CNTN5: variants seen among roughly 807,000 people sequenced by gnomAD.
CNTN5 encodes contactin-5.
CNTN5 carries 77 observed loss-of-function variants against 129.1 expected under a neutral mutation model. The observed-to-expected ratio is 0.60, with a 90% CI of 0.50 to 0.72. The LOEUF (loss-of-function observed/expected upper bound fraction) is 0.72, where lower values mean the gene tolerates loss of function less well. Among genes scored for constraint, CNTN5 ranks in the 30% least tolerant of loss-of-function variants. CNTN5 has a pLI of 0.00. For missense variants in CNTN5, 1,478 were observed against 1,328.8 expected (o/e 1.11, Z -1.75); for synonymous variants, 509 against 465.6 (o/e 1.09, Z -1.20).
chr11:99,878,975 C>T (rs557871116), intron 6 of CNTN5, among the ~76,000 whole-genome samples: 2 of 151,992 alleles, frequency 1.3e-5, no homozygotes, highest in Admixed American at 6.6e-5. Flanking sequence ...CTCTGTCGCT[C>T]GCGCTGGAGT....
At chr11:99,694,916 T>C (rs1053255592) in intron 3 of CNTN5, among the ~76,000 whole-genome samples, 6 of 152,096 alleles carry the variant, frequency 3.9e-5, no homozygotes, top group Non-Finnish European at 7.4e-5. Flanking sequence ...CTGATAAATA[T>C]AGAGATTAAG....
rs1947704888 is a variant in CNTN5 at position 99,846,545 on chromosome 11, ATC to A, written c.577+1287_577+1288del. Among the ~76,000 whole-genome samples, 3 of 152,138 alleles carry A rather than the reference ATC, an allele frequency of 2.0e-5. No homozygotes were observed. The South Asian group carries it at 6.2e-4, about 32-fold the overall frequency. ...TTGAAATTAAGTTCTTGAGGATAGAATCTCTAAAAAATACTGAGAAAGACTAG... is the reference window on the plus strand; with the variant it reads ...TTGAAATTAAGTTCTTGAGGATAGAATCTAAAAAATACTGAGAAAGACTAG... On this transcript the variant is annotated intron_variant, in intron 6 of 24. Transcript: ENST00000524871.
chr11:99,545,034 G>A (rs748444435), intron 2 of CNTN5, among the ~76,000 whole-genome samples: 29 of 152,150 alleles, frequency 1.9e-4, no homozygotes, highest in Non-Finnish European at 3.4e-4. Flanking sequence ...AATTCCACCA[G>A]GGGATCTGCC....
chr11:99,135,205 A>G (rs1859157384), intron 1 of CNTN5, among the ~76,000 whole-genome samples: 2 of 152,234 alleles, frequency 1.3e-5, no homozygotes, highest in Non-Finnish European at 2.9e-5. Flanking sequence ...AAGACAGAAT[A>G]TGAGGAAGTA....
intron 1 of CNTN5, among the ~76,000 whole-genome samples, chr11:99,255,378 G>A (rs1862322387): frequency 6.6e-6 from 1 of 151,600 alleles, no homozygotes; most frequent in Non-Finnish European, 1.5e-5. Context: ...ATAAATTATT[G>A]TGGGTATTTG....
intron 13 of CNTN5, among the ~76,000 whole-genome samples, chr11:100,142,418 A>G (rs559342048): frequency 2.0e-5 from 3 of 152,296 alleles, no homozygotes; most frequent in African/African-American, 7.2e-5. Context: ...ATACATATGT[A>G]GATTGAGCAT....
intron 3 of CNTN5, among the ~76,000 whole-genome samples, chr11:99,786,485 C>A (rs1439935928): frequency 3.3e-5 from 5 of 152,088 alleles, no homozygotes; most frequent in African/African-American, 1.2e-4. Context: ...ACTTTCTTCA[C>A]AGAATTAGAA....
chr11:99,847,423 C>T lies in CNTN5; in HGVS notation c.577+2161C>T, dbSNP rs180930314. 2.3e-4 allele frequency among the ~76,000 whole-genome samples: 35 copies of T among 152,270 alleles called. No homozygotes were observed. The East Asian group carries it at 6.8e-3, about 29-fold the overall frequency. On this transcript the variant is annotated intron_variant, in intron 6 of 24. Coordinates refer to ENST00000524871, the MANE Select transcript of CNTN5 (RefSeq NM_014361.4). ...AAGCTGTCTTCAACTTGATTTAGAGCAATATCTGCTTATTTTTAACTTAAG... is the reference window on the plus strand; with the variant it reads ...AAGCTGTCTTCAACTTGATTTAGAGTAATATCTGCTTATTTTTAACTTAAG...
At chr11:100,142,991 T>C (rs763021923) in intron 13 of CNTN5, among the ~76,000 whole-genome samples, 1 of 152,186 alleles carries the variant, frequency 6.6e-6, no homozygotes, top group East Asian at 1.9e-4. Flanking sequence ...CTTCAGGCTA[T>C]GTGTACATGT....
At position 99,182,671 on chromosome 11, in the gene CNTN5, A is replaced by T. The variant is rs1360530040; in HGVS notation, c.-209-142675A>T. Among the ~76,000 whole-genome samples, 3 of 152,158 alleles carry T rather than the reference A, an allele frequency of 2.0e-5. No homozygotes were observed. In the South Asian group the frequency reaches 6.2e-4, roughly 32 times the overall value. Reference sequence around the variant, plus strand: ...GAAAAAGAAAAATTAGAAATCAAAGATAAAATGTTTACTCTCTAATAAGTT... The same window carrying T: ...GAAAAAGAAAAATTAGAAATCAAAGTTAAAATGTTTACTCTCTAATAAGTT... On this transcript the variant is annotated intron_variant, in intron 1 of 24. Coordinates refer to ENST00000524871, the MANE Select transcript of CNTN5 (RefSeq NM_014361.4).
intron 3 of CNTN5, among the ~76,000 whole-genome samples, chr11:99,566,593 G>T (rs1565302335): frequency 6.6e-6 from 1 of 152,132 alleles, no homozygotes; most frequent in Non-Finnish European, 1.5e-5. Context: ...AAATGAGATG[G>T]AAAGACACAG....
chr11:99,549,924 T>A (rs1264652077), intron 2 of CNTN5, among the ~76,000 whole-genome samples: 2 of 152,194 alleles, frequency 1.3e-5, no homozygotes, highest in African/African-American at 4.8e-5. Flanking sequence ...CTTTTTCTAC[T>A]CTTATATTTT....
At position 100,061,265 on chromosome 11, in the gene CNTN5, C is replaced by A; in HGVS notation, c.1034C>A (p.Ala345Glu). The change falls in exon 10 of 25, where the codon GCA becomes GAA. Residue 345 changes from alanine to glutamate, a missense_variant. Ala to Glu is a moderately radical substitution (Grantham distance 107, BLOSUM62 -1). Transcript: ENST00000524871. ...GTTAATGGTTATATTCCTAGTAAGG[C>A]ACGTCTGCGGAAATCTCAGGCGGTG... ...MKVNGYIPSK[A>E]RLRKSQAVLE... is the part of the protein sequence containing the mutation. The A allele has an allele frequency of 1.2e-6, 2 of 1,613,552 alleles. No individual in the cohort carries two copies.
chr11:99,787,425 G>C (rs1016510373), intron 3 of CNTN5, among the ~76,000 whole-genome samples: 1 of 150,548 alleles, frequency 6.6e-6, no homozygotes, highest in Admixed American at 6.6e-5. Context: ...TACTTATAAG[G>C]TATAATATTA....
At chr11:99,025,682 A>G (rs758123776) in intron 1 of CNTN5, among the ~76,000 whole-genome samples, 2 of 151,784 alleles carry the variant, frequency 1.3e-5, no homozygotes, top group Non-Finnish European at 3.0e-5. Flanking sequence ...GTAATAAAGT[A>G]TCTGGAGCTG....
chr11:99,892,884 T>G (rs1384894268), intron 6 of CNTN5, among the ~76,000 whole-genome samples: 1 of 152,190 alleles, frequency 6.6e-6, no homozygotes, highest in Admixed American at 6.5e-5. Flanking sequence ...GGTAGCCTGA[T>G]GGGGACAGCA....
intron 1 of CNTN5, among the ~76,000 whole-genome samples, chr11:99,118,161 A>G (rs1858130462): frequency 6.6e-6 from 1 of 152,192 alleles, no homozygotes; most frequent in South Asian, 2.1e-4. Flanking sequence ...AAATATTTAG[A>G]AACAATCTAA....
intron 13 of CNTN5, among the ~76,000 whole-genome samples, chr11:100,115,691 T>C (rs73563167): frequency 0.018 from 2,736 of 152,188 alleles, 92 homozygotes; most frequent in African/African-American, 0.063. Context: ...AAGACCTATT[T>C]TTTAATTATA....
chr11:99,587,776 C>T (rs1162414990), intron 3 of CNTN5, among the ~76,000 whole-genome samples: 2 of 152,044 alleles, frequency 1.3e-5, no homozygotes, highest in Non-Finnish European at 2.9e-5. Flanking sequence ...AAATAAATGC[C>T]ATTTGCTAGC....
Sources: gnomAD v4.1 joint callset for allele counts (sites outside exome capture counted in the v4.1 genomes callset) on GRCh38, gnomAD v4.1.1 for gene constraint, MANE v1.5 for transcripts, NCBI Gene and HGNC (gene_info 2026-07-23, HGNC 2026-07-21) for gene names.